Variants in CFAP45 observed in about 807,000 individuals in gnomAD.
CFAP45 encodes the protein cilia- and flagella-associated protein 45.
A neutral mutation model predicts 75.6 loss-of-function variants in CFAP45; 43 were observed. The ratio of observed to expected loss-of-function variants is 0.57; its 90% CI spans 0.45 to 0.73. The LOEUF is 0.73. Ranked by LOEUF, CFAP45 falls within the 30% of genes least tolerant of loss-of-function variation. The pLI is 0.00. For synonymous variants in CFAP45, 223 were observed against 244.6 expected, an observed-to-expected ratio of 0.91 and a Z score of 0.82; for missense variants, 689 against 701.5, an observed-to-expected ratio of 0.98 and a Z score of 0.20.
At chr1:159,886,482 A>G in intron 6 of CFAP45, 29 bp downstream of exon 6, 1 of 1,598,090 alleles carries the variant, frequency 6.3e-7, no homozygotes, top group Non-Finnish European at 8.6e-7. Flanking sequence ...AATAGCTTAG[A>G]GAGGGAGATG....
chr1:159,873,291 G>T, intron 10 of CFAP45, 123 bp from the exon 11 acceptor site: 2 of 729,614 alleles, frequency 2.7e-6, no homozygotes, highest in Non-Finnish European at 2.2e-6. Context: ...CAGCCCTCTG[G>T]GCTCCAGCCC....
At chr1:159,890,115 G>A (rs1649790224) in intron 3 of CFAP45, among the ~76,000 whole-genome samples, 1 of 152,168 alleles carries the variant, frequency 6.6e-6, no homozygotes, top group South Asian at 2.1e-4. Context: ...TAATGCAGCC[G>A]AAAGGAAGTG....
chr1:159,876,887 T>C (rs1455340586), intron 9 of CFAP45, 138 bp from the exon 10 acceptor site: 3 of 830,004 alleles, frequency 3.6e-6, no homozygotes, highest in Non-Finnish European at 5.9e-6. Context: ...CAGCTAGTTA[T>C]TCTAGGAAAA....
chr1:159,895,436 G>A (rs1388932444), intron 1 of CFAP45, among the ~76,000 whole-genome samples: 2 of 152,156 alleles, frequency 1.3e-5, no homozygotes, highest in African/African-American at 2.4e-5. Context: ...TCTCTGATCT[G>A]CCATTACCAA....
In CFAP45 at chr1:159,890,539, G is replaced by A; in HGVS notation, c.213C>T (p.Gly71=). 6.2e-7 allele frequency: 1 copy of A among 1,614,122 alleles called. No homozygotes were observed. ...GGATGGTCTCTGGCTTGCGATCCAA[G>A]CCCAAAGCAGTGAGAGTTTTTTGAA... ...HTLQKTLTAL[G]LDRKPETIQL... is the part of the protein sequence containing the mutation. Residue 71 remains glycine (G), a synonymous_variant, in exon 3 of 12, where the codon GGC becomes GGT. Coordinates refer to ENST00000368099, the MANE Select transcript of CFAP45 (RefSeq NM_012337.3).
intron 1 of CFAP45, among the ~76,000 whole-genome samples, chr1:159,899,411 G>A (rs1431323649): frequency 2.0e-5 from 3 of 148,030 alleles, no homozygotes; most frequent in African/African-American, 5.0e-5. Context: ...CACCTTGCTA[G>A]TTAGTGGCAA....
Position 159,887,980 on chromosome 1 carries a change from T to G in CFAP45, c.449A>C (p.Lys150Thr), listed in dbSNP as rs1302588408. The G allele has an allele frequency of 6.2e-6, 10 of 1,614,082 alleles. No individual in the cohort carries two copies. In the East Asian group the frequency reaches 1.8e-4, roughly 29 times the overall value. ...GTTGTTCCACACCATCTCCTTCTGTTTCATGATCTTCTTTCGTGTCATCAC... is the reference window on the plus strand; with the variant it reads ...GTTGTTCCACACCATCTCCTTCTGTGTCATGATCTTCTTTCGTGTCATCAC... ...DAVMTRKKIM[K>T]QKEMVWNNNK... The change falls in exon 5 of 12, where the codon AAA becomes ACA. Residue 150 changes from lysine (K) to threonine (T), a missense_variant. Physicochemically the swap from Lys to Thr is moderately conservative, Grantham distance 78. Coordinates refer to ENST00000368099, the MANE Select transcript of CFAP45 (RefSeq NM_012337.3).
At chr1:159,878,768 A>AAAAAAAAAAAAAAAAAAAAAC (rs1345139458) in intron 8 of CFAP45, among the ~76,000 whole-genome samples, 2 of 141,398 alleles carry the variant, frequency 1.4e-5, no homozygotes, top group South Asian at 2.3e-4. Context: ...AAAAAAAAAA[A>AAAAAAAAAAAAAAAAAAAAAC]AAAAAAAAAA....
intron 1 of CFAP45, chr1:159,899,850 C>T (rs909538292): frequency 6.2e-6 from 3 of 485,546 alleles, no homozygotes; most frequent in Admixed American, 3.8e-5. Context: ...AGGGTTGGGG[C>T]ATCCCTTTCT....
In CFAP45 at chr1:159,887,945, G is replaced by A. The variant is rs766016903; in HGVS notation, c.484C>T (p.Leu162Phe). The A allele has an allele frequency of 6.2e-7, 1 of 1,614,224 alleles. No homozygotes were observed. The highest frequency in any genetic ancestry group is 1.1e-5 in the South Asian group (1 of 91,080). Residue 162 changes from leucine (L) to phenylalanine (F), a missense_variant, in exon 5 of 12, where the codon CTC (leucine) becomes TTC (phenylalanine). By Grantham distance (22) the Leu-to-Phe change is conservative (BLOSUM62 0). Coordinates refer to ENST00000368099, the MANE Select transcript of CFAP45 (RefSeq NM_012337.3). The part of the protein sequence containing the change: ...KEMVWNNNKK[L>F]SDLEEVAKER... ...TTGGCCACCTCCTCCAGGTCACTGA[G>A]CTTCTTGTTGTTGTTCCACACCATC...
intron 8 of CFAP45, among the ~76,000 whole-genome samples, chr1:159,879,050 C>T (rs111879110): frequency 6.6e-6 from 1 of 152,098 alleles, no homozygotes; most frequent in African/African-American, 2.4e-5. Flanking sequence ...TGCCCAAGTG[C>T]CTGATTCCGT....
rs1290734731 is a variant in CFAP45, at chr1:159,887,926, A to G, written c.503T>C (p.Val168Ala). The G allele has an allele frequency of 6.2e-7, 1 of 1,613,928 alleles. No individual in the cohort carries two copies. The highest frequency in any genetic ancestry group is 1.3e-5 in the African/African-American group (1 of 74,872). The part of the protein sequence containing the change: ...NNKKLSDLEE[V>A]AKERAQNLLQ... ...GAGGTTCTGGGCCCGTTCCTTGGCC[A>G]CCTCCTCCAGGTCACTGAGCTTCTT... The change falls in exon 5 of 12, where the codon GTG (valine) becomes GCG (alanine). Residue 168 changes from valine (V) to alanine (A), a missense_variant. Transcript: ENST00000368099.
In CFAP45 at chr1:159,872,411, C is replaced by T. The variant is rs1649300290; in HGVS notation, c.*74G>A. ...TGTAACTATGAAATGTCTAGGTTAGCAGCAATTATGGATGCCCAGAGACTG... is the reference window on the plus strand; with the variant it reads ...TGTAACTATGAAATGTCTAGGTTAGTAGCAATTATGGATGCCCAGAGACTG... On this transcript the variant is annotated 3_prime_UTR_variant, in exon 12 of 12. Coordinates refer to ENST00000368099, the MANE Select transcript of CFAP45 (RefSeq NM_012337.3). The T allele has an allele frequency of 9.0e-7, 1 of 1,111,710 alleles. No homozygotes were observed. Among genetic ancestry groups the T allele is most frequent in the Non-Finnish European group, 1.4e-6 (1 of 722,604 alleles). 68.9% of individuals were successfully genotyped at this position (1,111,710 alleles called of 1,614,324 possible).
chr1:159,873,380 C>A, intron 10 of CFAP45: 1 of 592,634 alleles, frequency 1.7e-6, no homozygotes, highest in Non-Finnish European at 3.0e-6. Flanking sequence ...AGGACTAGCT[C>A]CAGGGTCGCA....
In CFAP45 at chr1:159,886,629, T is replaced by A; in HGVS notation, c.649A>T (p.Ile217Phe). 1 of 1,614,220 alleles carries A rather than the reference T, an allele frequency of 6.2e-7. No individual in the cohort carries two copies. The highest frequency in any genetic ancestry group is 8.5e-7 in the Non-Finnish European group (1 of 1,180,028). The change falls in exon 6 of 12, where the codon ATC becomes TTC. Residue 217 changes from isoleucine to phenylalanine, a missense_variant. Transcript: ENST00000368099. ...TCTTCTGTGTCCAGTTCTTTTTGGA[T>A]CTGCTGCTTCTCCAGGATTTGGGCA... ...RDAQILEKQQIQKELDTEEKR... is the reference protein window; with the variant it reads ...RDAQILEKQQFQKELDTEEKR...
intron 3 of CFAP45, among the ~76,000 whole-genome samples, chr1:159,889,650 C>T (rs1467109693): frequency 2.0e-5 from 3 of 152,230 alleles, no homozygotes; most frequent in African/African-American, 7.2e-5. Context: ...TCCTCCCTTC[C>T]TCTGGCTCCA....
Position 159,873,140 on chromosome 1 carries a change from G to A in CFAP45, c.1381C>T (p.Arg461Trp), listed in dbSNP as rs369393077. 3.3e-5 allele frequency: 53 copies of A among 1,613,558 alleles called. No homozygotes were observed. The highest frequency in any genetic ancestry group is 1.2e-4 in the Admixed American group (7 of 59,996). ...RAQREQIEKERLEEEKKATGR... is the reference protein window; with the variant it reads ...RAQREQIEKEWLEEEKKATGR... The stretch of plus-strand genomic sequence containing the variant: ...GTGGCCTTTTTCTCCTCCTCCAGCC[G>A]CTCCTTCTCAATCTGTTCTCTCTGA... The change falls in exon 11 of 12, where the codon CGG becomes TGG. Residue 461 changes from arginine to tryptophan, a missense_variant. By Grantham distance (101) the Arg-to-Trp change is moderately radical. Coordinates refer to ENST00000368099, the MANE Select transcript of CFAP45 (RefSeq NM_012337.3).
intron 1 of CFAP45, among the ~76,000 whole-genome samples, chr1:159,897,540 G>A (rs1003468834): frequency 2.6e-5 from 4 of 152,244 alleles, no homozygotes; most frequent in African/African-American, 4.8e-5. Context: ...CTGAGATCAC[G>A]CCACTGCACT....
intron 5 of CFAP45, 81 bp downstream of exon 5, chr1:159,887,760 G>A: frequency 7.0e-7 from 1 of 1,435,850 alleles, no homozygotes; most frequent in Admixed American, 1.9e-5. Flanking sequence ...CCAGTCCCTG[G>A]CCTTGTCCAG....
Sources: allele counts gnomAD v4.1 joint callset (sites outside exome capture counted in the v4.1 genomes callset), GRCh38; gene constraint gnomAD v4.1.1; transcripts MANE v1.5; gene names NCBI Gene and HGNC (gene_info 2026-07-23, HGNC 2026-07-21).